AKT3: variants seen among roughly 807,000 people sequenced by gnomAD.
AKT3 encodes RAC-gamma serine/threonine-protein kinase.
Under a neutral mutation model 65.3 loss-of-function variants are expected in AKT3, and 15 were observed. The ratio of observed to expected loss-of-function variants is 0.23; its 90% confidence interval spans 0.15 to 0.35. The LOEUF is 0.35. Among genes scored for constraint, AKT3 ranks in the 10% least tolerant of loss-of-function variants. The probability of loss-of-function intolerance (pLI) is 1.00; values close to 1 mark genes in which losing one functional copy is unlikely to be tolerated. For missense variants in AKT3, 243 were observed against 576.5 expected, an observed-to-expected ratio of 0.42 and a Z score of 5.92; for synonymous variants, 206 against 183.8, an observed-to-expected ratio of 1.12 and a Z score of -0.98.
At chr1:243,701,012 C>T (rs566130021) in intron 2 of AKT3, among the ~76,000 whole-genome samples, 3 of 152,104 alleles carry the variant, frequency 2.0e-5, no homozygotes, top group Non-Finnish European at 4.4e-5. Context: ...ACTTAATAAT[C>T]TTCAACCTAA....
In AKT3 at chr1:243,573,843, C is replaced by T. The variant is rs371687501; in HGVS notation, c.697-795G>A. ...ACTGGGTGCTTACTGTGACCAAGTA[C>T]ACGGCTCTCCAATAGGCCACTTCTT... On this transcript the variant is annotated intron_variant, in intron 8 of 13. Transcript: ENST00000673466. Among the ~76,000 whole-genome samples, 100 of 152,264 alleles carry T rather than the reference C, an allele frequency of 6.6e-4. No individual in the cohort carries two copies. In the South Asian group the frequency reaches 0.011, roughly 16 times the overall value.
intron 2 of AKT3, among the ~76,000 whole-genome samples, chr1:243,739,860 C>G (rs948699678): frequency 6.6e-6 from 1 of 152,200 alleles, no homozygotes; most frequent in African/African-American, 2.4e-5. Context: ...TGCTGCTAGT[C>G]CCTCAGGTTT....
rs553825652 is a variant in AKT3, at chr1:243,538,832, A to T, written c.1251+6678T>A. 5.5e-5 allele frequency among the ~76,000 whole-genome samples: 8 copies of T among 146,354 alleles called. No homozygotes were observed. The South Asian group carries it at 1.5e-3, about 28-fold the overall frequency. ...ACAAAATAGCAAGACCCCATCTCTT[A>T]AAAAAAAAAAGAAAAAGAAAAAAAG... On this transcript the variant is annotated intron_variant, in intron 12 of 13. Coordinates refer to ENST00000673466, the MANE Select transcript of AKT3 (RefSeq NM_005465.7).
In AKT3 at chr1:243,666,268, T is replaced by C. The variant is rs189383217; in HGVS notation, c.173-1385A>G. Among the ~76,000 whole-genome samples the C allele has an allele frequency of 2.0e-5, 3 of 152,262 alleles. No homozygotes were observed. In the East Asian group the frequency reaches 5.8e-4, roughly 29 times the overall value. On this transcript the variant is annotated intron_variant, in intron 3 of 13. Transcript: ENST00000673466. ...ATCCGCCCGCCTCGGCCTCCCAAAG[T>C]GCTGGGATTACGGGCTTGATCCACC...
intron 10 of AKT3, among the ~76,000 whole-genome samples, chr1:243,561,744 C>T (rs1483873917): frequency 6.6e-6 from 1 of 152,188 alleles, no homozygotes; most frequent in South Asian, 2.1e-4. Context: ...ACCAGCTGCT[C>T]TCTTTGGAAA....
chr1:243,527,782 C>T (rs35691445), intron 12 of AKT3, among the ~76,000 whole-genome samples: 1 of 151,926 alleles, frequency 6.6e-6, no homozygotes, highest in African/African-American at 2.4e-5. Context: ...GGGAGGATCC[C>T]TTAAGGCCAG....
At chr1:243,508,413 C>T (rs889689198) in intron 13 of AKT3, among the ~76,000 whole-genome samples, 2 of 152,234 alleles carry the variant, frequency 1.3e-5, no homozygotes. Context: ...GAGGTGCCTG[C>T]AGATGCGTCG....
intron 3 of AKT3, among the ~76,000 whole-genome samples, chr1:243,670,603 C>T (rs1198322618): frequency 1.3e-5 from 2 of 152,100 alleles, no homozygotes; most frequent in African/African-American, 4.8e-5. Context: ...TTCTAAAAAG[C>T]TATTAACCAA....
downstream of AKT3, among the ~76,000 whole-genome samples, chr1:243,498,865 T>C (rs79036695): frequency 0.012 from 1,845 of 152,366 alleles, 21 homozygotes; most frequent in African/African-American, 0.042. Context: ...ATTGGGCCCC[T>C]GGCCCTGCAG....
chr1:243,604,864 T>C (rs1488402773), intron 8 of AKT3, among the ~76,000 whole-genome samples: 1 of 152,228 alleles, frequency 6.6e-6, no homozygotes, highest in Non-Finnish European at 1.5e-5. Flanking sequence ...TGAATGATAA[T>C]GTACTAGATT....
At chr1:243,687,244 A>G (rs1684388853) in intron 3 of AKT3, among the ~76,000 whole-genome samples, 2 of 152,126 alleles carry the variant, frequency 1.3e-5, no homozygotes, top group Admixed American at 6.6e-5. Context: ...TTGATTCTAA[A>G]TAAGCCCCCC....
At chr1:243,549,275 T>C (rs1019870614) in intron 11 of AKT3, among the ~76,000 whole-genome samples, 4 of 152,180 alleles carry the variant, frequency 2.6e-5, no homozygotes, top group African/African-American at 7.2e-5. Flanking sequence ...CCTCCTTGGT[T>C]TGCATACCCT....
chr1:243,691,430 T>C (rs1419351926), intron 3 of AKT3, among the ~76,000 whole-genome samples: 1 of 152,160 alleles, frequency 6.6e-6, no homozygotes, highest in Non-Finnish European at 1.5e-5. Flanking sequence ...AAAGACCACT[T>C]TGATACCCGC....
chr1:243,717,402 G>A (rs985593031), intron 2 of AKT3, among the ~76,000 whole-genome samples: 1 of 152,108 alleles, frequency 6.6e-6, no homozygotes, highest in Non-Finnish European at 1.5e-5. Context: ...CTGATAAACA[G>A]GCTGGGTTCC....
At chr1:243,673,169 G>A (rs931817610) in intron 3 of AKT3, among the ~76,000 whole-genome samples, 1 of 152,102 alleles carries the variant, frequency 6.6e-6, no homozygotes, top group Non-Finnish European at 1.5e-5. Flanking sequence ...TGACATTACT[G>A]AATTCAAATT....
At chr1:243,804,760 C>G (rs188895139) in intron 2 of AKT3, among the ~76,000 whole-genome samples, 1 of 151,490 alleles carries the variant, frequency 6.6e-6, no homozygotes, top group African/African-American at 2.4e-5. Flanking sequence ...GGCAGGAGAA[C>G]GGCGTGAACC....
At chr1:243,806,515 G>A (rs1285932456) in intron 2 of AKT3, among the ~76,000 whole-genome samples, 1 of 152,056 alleles carries the variant, frequency 6.6e-6, no homozygotes, top group East Asian at 1.9e-4. Context: ...TTAGCATTTT[G>A]GTTTCCTGCC....
At chr1:243,507,959 G>C (rs1669773860) in intron 13 of AKT3, among the ~76,000 whole-genome samples, 1 of 152,184 alleles carries the variant, frequency 6.6e-6, no homozygotes, top group Admixed American at 6.5e-5. Context: ...GGAACATTTT[G>C]CCTTTCTAAC....
At chr1:243,770,565 C>T (rs930737323) in intron 2 of AKT3, among the ~76,000 whole-genome samples, 2 of 151,970 alleles carry the variant, frequency 1.3e-5, no homozygotes, top group Non-Finnish European at 2.9e-5. Flanking sequence ...TATGTAAGCT[C>T]AATCAGAGTG....
Sources: gnomAD v4.1 joint callset for allele counts (sites outside exome capture counted in the v4.1 genomes callset) on GRCh38, gnomAD v4.1.1 for gene constraint, MANE v1.5 for transcripts, NCBI Gene and HGNC (gene_info 2026-07-23, HGNC 2026-07-21) for gene names.